Variants in FHIT observed in about 807,000 individuals in gnomAD.
FHIT encodes fragile histidine triad diadenosine triphosphatase, also known as bis(5'-adenosyl)-triphosphatase.
Under a neutral mutation model 17.9 loss-of-function variants are expected in FHIT, and 19 were observed. That is an observed-to-expected ratio of 1.06 (90% CI 0.74 to 1.56). FHIT has a LOEUF of 1.56. FHIT is among the 40% of genes most tolerant of loss of function. FHIT has a pLI of 0.00. For missense variants in FHIT, 248 were observed against 189.2 expected, an observed-to-expected ratio of 1.31 and a Z score of -1.82; for synonymous variants, 81 against 69.7, an observed-to-expected ratio of 1.16 and a Z score of -0.81.
chr3:60,304,209 C>G (rs1708570178), intron 5 of FHIT, among the ~76,000 whole-genome samples: 1 of 149,726 alleles, frequency 6.7e-6, no homozygotes, highest in Non-Finnish European at 1.5e-5. Flanking sequence ...CCTGTGAACA[C>G]ACTAGCACAT....
intron 8 of FHIT, among the ~76,000 whole-genome samples, chr3:59,839,805 T>C (rs745882917): frequency 6.6e-6 from 1 of 152,094 alleles, no homozygotes; most frequent in Non-Finnish European, 1.5e-5. Flanking sequence ...AAAAAATAAA[T>C]CTATCAGGGC....
At chr3:60,910,615 T>C (rs1367123683) in intron 3 of FHIT, among the ~76,000 whole-genome samples, 1 of 152,110 alleles carries the variant, frequency 6.6e-6, no homozygotes, top group Non-Finnish European at 1.5e-5. Flanking sequence ...GGTTTCACCG[T>C]GTTAGCCAGG....
intron 5 of FHIT, among the ~76,000 whole-genome samples, chr3:60,046,857 G>C (rs1701673982): frequency 6.6e-6 from 1 of 152,176 alleles, no homozygotes. Flanking sequence ...CTTCTGACTT[G>C]TTTATCTGAC....
In FHIT at chr3:60,485,453, C is replaced by A. The variant is rs545587871; in HGVS notation, c.103+51407G>T. Among the ~76,000 whole-genome samples, 193 of 152,244 alleles carry A rather than the reference C, an allele frequency of 1.3e-3. 1 individual carries two copies. Among genetic ancestry groups the A allele is most frequent in the Middle Eastern group, 0.01 (3 of 294 alleles). Reference sequence around the variant, plus strand: ...ATAAAGAAAACGTGGTGCATATACACCATGGAATACTATGCAGACATATAA... The same window carrying A: ...ATAAAGAAAACGTGGTGCATATACAACATGGAATACTATGCAGACATATAA... On this transcript the variant is annotated intron_variant, in intron 5 of 9. Transcript: ENST00000492590.
intron 5 of FHIT, among the ~76,000 whole-genome samples, chr3:60,200,609 G>A (rs141050415): frequency 6.6e-6 from 1 of 151,678 alleles, no homozygotes; most frequent in African/African-American, 2.4e-5. Context: ...TCTAGGGACA[G>A]CATTAAACTG....
chr3:60,463,639 A>T (rs893014364), intron 5 of FHIT, among the ~76,000 whole-genome samples: 1 of 152,218 alleles, frequency 6.6e-6, no homozygotes, highest in African/African-American at 2.4e-5. Flanking sequence ...GTAATAAGGC[A>T]TGAACTTGCC....
chr3:59,894,644 C>T (rs1204042997), intron 8 of FHIT, among the ~76,000 whole-genome samples: 7 of 152,050 alleles, frequency 4.6e-5, no homozygotes, highest in South Asian at 4.2e-4. Context: ...TGATGTGTTG[C>T]GATGGTGGTT....
In FHIT at chr3:60,430,332, C is replaced by CT. The variant is rs201689096; in HGVS notation, c.103+106527dup. ...TAGCCATTTTCTGAACAAACATTAC[C>CT]TTTTTTCTTCCACAGAGAGGAAGAA... On this transcript the variant is annotated intron_variant, in intron 5 of 9. Transcript: ENST00000492590. 4.2e-3 allele frequency among the ~76,000 whole-genome samples: 635 copies of CT among 152,006 alleles called. 11 individuals are homozygous for CT. The highest frequency in any genetic ancestry group is 0.02 in the Middle Eastern group (6 of 294).
At chr3:60,067,807 G>A (rs1314512341) in intron 5 of FHIT, among the ~76,000 whole-genome samples, 2 of 152,172 alleles carry the variant, frequency 1.3e-5, no homozygotes, top group Non-Finnish European at 2.9e-5. Flanking sequence ...AATTAAACCA[G>A]CACGTTCTTG....
chr3:60,283,455 A>C (rs1454883119), intron 5 of FHIT, among the ~76,000 whole-genome samples: 3 of 152,140 alleles, frequency 2.0e-5, no homozygotes, highest in Non-Finnish European at 4.4e-5. Context: ...TATGTAATTC[A>C]ATGCTTTTCA....
At chr3:60,902,821 G>A (rs1380150847) in intron 3 of FHIT, among the ~76,000 whole-genome samples, 1 of 152,088 alleles carries the variant, frequency 6.6e-6, no homozygotes, top group Non-Finnish European at 1.5e-5. Context: ...ATTCCTTCTA[G>A]CCTAGGCCAA....
chr3:60,389,329 T>C (rs1452356521), intron 5 of FHIT, among the ~76,000 whole-genome samples: 1 of 152,160 alleles, frequency 6.6e-6, no homozygotes, highest in Non-Finnish European at 1.5e-5. Context: ...ATGGCAAGTT[T>C]TAGGTAACGG....
intron 4 of FHIT, among the ~76,000 whole-genome samples, chr3:60,796,012 A>G (rs894770081): frequency 1.3e-5 from 2 of 152,158 alleles, no homozygotes; most frequent in Non-Finnish European, 2.9e-5. Context: ...GGGAGGTGAA[A>G]GGCACTTCTT....
At chr3:60,217,195 G>C (rs2107527174) in intron 5 of FHIT, among the ~76,000 whole-genome samples, 1 of 152,250 alleles carries the variant, frequency 6.6e-6, no homozygotes, top group South Asian at 2.1e-4. Context: ...TTTCTACTCA[G>C]GTAATGACAA....
At chr3:60,084,892 T>A (rs1426906441) in intron 5 of FHIT, among the ~76,000 whole-genome samples, 2 of 152,148 alleles carry the variant, frequency 1.3e-5, no homozygotes, top group Non-Finnish European at 2.9e-5. Context: ...ATGGGTTAGA[T>A]GTTATGATCT....
At chr3:60,802,303 G>C (rs1184894701) in intron 4 of FHIT, among the ~76,000 whole-genome samples, 1 of 152,178 alleles carries the variant, frequency 6.6e-6, no homozygotes, top group African/African-American at 2.4e-5. Context: ...GGTGTTCTCA[G>C]AACGTTTTCA....
At chr3:60,815,728 C>T (rs535290523) in intron 4 of FHIT, among the ~76,000 whole-genome samples, 1 of 152,068 alleles carries the variant, frequency 6.6e-6, no homozygotes, top group South Asian at 2.1e-4. Context: ...TTTTTTGATT[C>T]CACATGTACT....
intron 2 of FHIT, among the ~76,000 whole-genome samples, chr3:61,115,991 TATC>T (rs2036288552): frequency 6.6e-6 from 1 of 152,128 alleles, no homozygotes; most frequent in Non-Finnish European, 1.5e-5. Context: ...GCTTACATAA[TATC>T]ATTAACTCCT....
intron 5 of FHIT, among the ~76,000 whole-genome samples, chr3:60,065,732 A>G (rs1186407824): frequency 6.6e-6 from 1 of 152,098 alleles, no homozygotes; most frequent in African/African-American, 2.4e-5. Context: ...CAGTTTGCCC[A>G]TTGCTCATTC....
Sources: gnomAD v4.1 joint callset for allele counts (sites outside exome capture counted in the v4.1 genomes callset) on GRCh38, gnomAD v4.1.1 for gene constraint, MANE v1.5 for transcripts, NCBI Gene and HGNC (gene_info 2026-07-23, HGNC 2026-07-21) for gene names.